The following CTCF variants were observed in gnomAD, a reference collection of about 807,000 sequenced individuals.
The protein encoded by CTCF is CCCTC-binding factor, also known as transcriptional repressor CTCF.
A neutral mutation model predicts 72.3 loss-of-function variants in CTCF; 7 were observed. The ratio of observed to expected loss-of-function variants is 0.10; its 90% CI spans 0.06 to 0.18. The LOEUF (loss-of-function observed/expected upper bound fraction) is 0.18, where lower values mean the gene tolerates loss of function less well. Ranked by LOEUF, CTCF falls within the 10% of genes least tolerant of loss-of-function variation. The pLI is 1.00. For missense variants in CTCF, 516 were observed against 949.1 expected (o/e 0.54, Z 6.00); for synonymous variants, 374 against 315.8 (o/e 1.18, Z -1.95).
At chr16:67,587,786 C>T (rs966670539) in intron 2 of CTCF, among the ~76,000 whole-genome samples, 1 of 152,082 alleles carries the variant, frequency 6.6e-6, no homozygotes, top group African/African-American at 2.4e-5. Flanking sequence ...AGACAAAAGA[C>T]TCATTGAGTC....
intron 2 of CTCF, among the ~76,000 whole-genome samples, chr16:67,579,510 C>T (rs1005256249): frequency 1.4e-4 from 21 of 151,912 alleles, no homozygotes; most frequent in African/African-American, 4.8e-4. Flanking sequence ...GGGCACATGC[C>T]ACCATGCCCG....
At chr16:67,624,067 A>ATGTGTG (rs1330400010) in intron 7 of CTCF, among the ~76,000 whole-genome samples, 10 of 96,428 alleles carry the variant, frequency 1.0e-4, no homozygotes, top group African/African-American at 2.0e-4. Context: ...AAAAAAAATT[A>ATGTGTG]TATATGTGTG....
At chr16:67,566,386 T>G (rs535224796) in intron 1 of CTCF, among the ~76,000 whole-genome samples, 1 of 151,490 alleles carries the variant, frequency 6.6e-6, no homozygotes, top group Non-Finnish European at 1.5e-5. Flanking sequence ...TGTCTGTTTC[T>G]GTAATCCCAG....
At chr16:67,568,532 G>A (rs1239340780) in intron 1 of CTCF, 1 of 152,072 alleles carries the variant, frequency 6.6e-6, no homozygotes, top group Non-Finnish European at 1.5e-5. Flanking sequence ...GGGATTACAG[G>A]TGCATACCAC....
intron 5 of CTCF, among the ~76,000 whole-genome samples, chr16:67,617,670 G>A (rs942386910): frequency 3.2e-4 from 49 of 152,132 alleles, no homozygotes; most frequent in African/African-American, 1.1e-3. Flanking sequence ...CAACAAGAGT[G>A]AAACTCCGTC....
At chr16:67,607,648 T>C (rs988546781) in intron 2 of CTCF, among the ~76,000 whole-genome samples, 2 of 152,108 alleles carry the variant, frequency 1.3e-5, no homozygotes, top group Non-Finnish European at 2.9e-5. Context: ...ATTGGCTGAT[T>C]TGTTTTCTGC....
intron 7 of CTCF, among the ~76,000 whole-genome samples, chr16:67,622,307 GATCACGC>G (rs2052211405): frequency 1.3e-5 from 2 of 151,172 alleles, no homozygotes; most frequent in Non-Finnish European, 2.9e-5. Flanking sequence ...AGTGAGCAGA[GATCACGC>G]CACCGCACTC....
rs774454236 is a variant in CTCF, at chr16:67,611,165, A to G, written c.333A>G (p.Gly111=). 1.9e-6 allele frequency: 3 copies of G among 1,614,208 alleles called. No homozygotes were observed. The highest frequency in any genetic ancestry group is 1.7e-6 in the Non-Finnish European group (2 of 1,180,028). Residue 111 remains glycine, a synonymous_variant, in exon 3 of 12, where the codon GGA becomes GGG. Transcript: ENST00000264010. The stretch of plus-strand genomic sequence containing the variant: ...TGGAGGAACAGCCCATAAACATAGG[A>G]GAACTTCAGCTTGTTCAAGTACCTG... ...VNMEEQPINI[G]ELQLVQVPVP...
At chr16:67,590,764 G>A (rs560902283) in intron 2 of CTCF, among the ~76,000 whole-genome samples, 2 of 151,500 alleles carry the variant, frequency 1.3e-5, no homozygotes, top group African/African-American at 2.4e-5. Flanking sequence ...CAAGCCCAGC[G>A]TGGCCAACAT....
chr16:67,623,716 A>G (rs2052235404), intron 7 of CTCF, among the ~76,000 whole-genome samples: 1 of 151,934 alleles, frequency 6.6e-6, no homozygotes, highest in Admixed American at 6.6e-5. Context: ...GGAGTTCTAG[A>G]CCAACCTGTG....
intron 2 of CTCF, among the ~76,000 whole-genome samples, chr16:67,573,523 A>T (rs370738293): frequency 3.3e-5 from 5 of 152,346 alleles, no homozygotes; most frequent in East Asian, 1.9e-4. Flanking sequence ...TTAAGATAAC[A>T]TAGGTCTTCA....
At chr16:67,632,751 T>A (rs2052381703) in intron 10 of CTCF, among the ~76,000 whole-genome samples, 1 of 152,222 alleles carries the variant, frequency 6.6e-6, no homozygotes, top group African/African-American at 2.4e-5. Flanking sequence ...CATCTCTCGT[T>A]CTTGACACAC....
At chr16:67,572,758 G>T (rs995949462) in intron 2 of CTCF, among the ~76,000 whole-genome samples, 2 of 152,078 alleles carry the variant, frequency 1.3e-5, no homozygotes. Context: ...TGGCCAACAT[G>T]GTAAAACCCC....
At chr16:67,620,582 A>T in intron 5 of CTCF, 115 bp from the exon 6 acceptor site, 1 of 757,250 alleles carries the variant, frequency 1.3e-6, no homozygotes, top group Non-Finnish European at 2.0e-6. Flanking sequence ...TATCTTTTAG[A>T]CTTCTGTATT....
intron 8 of CTCF, 23 bp downstream of exon 8, chr16:67,626,738 G>A (rs1002368346): frequency 7.2e-7 from 1 of 1,381,632 alleles, no homozygotes; most frequent in Non-Finnish European, 9.5e-7. Context: ...ATTGAAAGTT[G>A]TTGGTGCTTT....
intron 2 of CTCF, among the ~76,000 whole-genome samples, chr16:67,600,539 T>C (rs2142788563): frequency 6.6e-6 from 1 of 152,156 alleles, no homozygotes; most frequent in African/African-American, 2.4e-5. Flanking sequence ...CTGGCTAATG[T>C]GTGTTTTTTA....
At chr16:67,572,149 G>A (rs2142717189) in intron 2 of CTCF, among the ~76,000 whole-genome samples, 1 of 152,252 alleles carries the variant, frequency 6.6e-6, no homozygotes, top group South Asian at 2.1e-4. Flanking sequence ...AGCTCTGCCT[G>A]GAGCAAATAA....
chr16:67,580,152 CTGACT>C (rs2051560163), intron 2 of CTCF, among the ~76,000 whole-genome samples: 2 of 152,284 alleles, frequency 1.3e-5, no homozygotes, highest in South Asian at 4.1e-4. Flanking sequence ...TAATGCTGTC[CTGACT>C]TAAGGTGGGA....
intron 2 of CTCF, among the ~76,000 whole-genome samples, chr16:67,573,800 A>G (rs1330181162): frequency 6.6e-6 from 1 of 152,144 alleles, no homozygotes; most frequent in Non-Finnish European, 1.5e-5. Context: ...TGGGAGGCCA[A>G]GGTGGGCAGA....
Sources: allele counts gnomAD v4.1 joint callset (sites outside exome capture counted in the v4.1 genomes callset), GRCh38; gene constraint gnomAD v4.1.1; transcripts MANE v1.5; gene names NCBI Gene and HGNC (gene_info 2026-07-23, HGNC 2026-07-21).